The following AFF4 variants were observed in gnomAD, a reference collection of about 807,000 sequenced individuals.
AFF4 encodes the protein AF4/FMR2 family member 4.
In AFF4, 13 loss-of-function variants were observed where a neutral mutation model predicts 124.8. That is an observed-to-expected ratio of 0.10 (90% CI 0.07 to 0.17). The LOEUF (loss-of-function observed/expected upper bound fraction) is 0.17. Ranked by LOEUF, AFF4 falls within the 10% of genes least tolerant of loss-of-function variation. The probability of loss-of-function intolerance (pLI) is 1.00; values close to 1 mark genes in which losing one functional copy is unlikely to be tolerated. For synonymous variants in AFF4, 477 were observed against 496.1 expected, an observed-to-expected ratio of 0.96 and a Z score of 0.51; for missense variants, 1,092 against 1,403.8, an observed-to-expected ratio of 0.78 and a Z score of 3.55.
chr5:132,924,640 G>A (rs1761127179), intron 5 of AFF4, among the ~76,000 whole-genome samples: 1 of 152,058 alleles, frequency 6.6e-6, no homozygotes, highest in South Asian at 2.1e-4. Context: ...GATAACCTGA[G>A]GTCAGGAGTT....
chr5:132,904,056 G>C (rs1305919267), intron 6 of AFF4: 1 of 216,480 alleles, frequency 4.6e-6, no homozygotes, highest in Non-Finnish European at 9.5e-6. Context: ...AGGAGTTCGA[G>C]ACCAGCCTGT....
chr5:132,915,045 A>T (rs1760876680), intron 5 of AFF4, among the ~76,000 whole-genome samples: 1 of 152,144 alleles, frequency 6.6e-6, no homozygotes, highest in Non-Finnish European at 1.5e-5. Context: ...CTTAAAAAAA[A>T]ATACCATTTC....
chr5:132,958,872 C>T lies in AFF4; in HGVS notation c.-5+4387G>A, dbSNP rs147539652. Among the ~76,000 whole-genome samples, 531 of 152,312 alleles carry T rather than the reference C, an allele frequency of 3.5e-3. 2 individuals carry two copies. The highest frequency in any genetic ancestry group is 0.012 in the African/African-American group (516 of 41,566). Reference sequence around the variant, plus strand: ...GTCCCCGAACAGATCTCTGGGTAATCAAACCATACTGGCTTTCCAGTGCAG... The same window carrying T: ...GTCCCCGAACAGATCTCTGGGTAATTAAACCATACTGGCTTTCCAGTGCAG... On this transcript the variant is annotated intron_variant, in intron 1 of 20. Transcript: ENST00000265343.
chr5:132,888,277 C>G (rs1439180102), intron 14 of AFF4, 117 bp from the exon 15 acceptor site: 2 of 735,454 alleles, frequency 2.7e-6, no homozygotes, highest in East Asian at 5.5e-5. Flanking sequence ...TGAGCTGTTA[C>G]TAAGAATTTG....
At chr5:132,953,918 G>C (rs752474694) in intron 1 of AFF4, among the ~76,000 whole-genome samples, 4 of 152,174 alleles carry the variant, frequency 2.6e-5, no homozygotes, top group Non-Finnish European at 4.4e-5. Flanking sequence ...AGTCAGGTCA[G>C]ATTGCCTAAC....
rs1371740456 is a variant in AFF4 at position 132,891,002 on chromosome 5, A to T, written c.2637+1162T>A. 6.7e-4 allele frequency among the ~76,000 whole-genome samples: 101 copies of T among 151,876 alleles called. 1 individual carries two copies. The highest frequency in any genetic ancestry group is 3.9e-3 in the South Asian group (19 of 4,816). On this transcript the variant is annotated intron_variant, in intron 13 of 20. Transcript: ENST00000265343. ...CTCACTTATTTAAAAGCAAATAAAT[A>T]AATTAATTAATAAATTAATTAATTA...
chr5:132,899,300 T>C (rs543863876), intron 8 of AFF4, among the ~76,000 whole-genome samples, 159 bp from the exon 9 acceptor site: 1 of 152,340 alleles, frequency 6.6e-6, no homozygotes, highest in African/African-American at 2.4e-5. Context: ...AGTAACTGAA[T>C]TGCCAGAATA....
At chr5:132,944,388 T>C (rs934193949) in intron 1 of AFF4, among the ~76,000 whole-genome samples, 10 of 151,748 alleles carry the variant, frequency 6.6e-5, no homozygotes, top group African/African-American at 2.2e-4. Flanking sequence ...GGTTCACACC[T>C]GTAATCCCAG....
chr5:132,886,838 C>T (rs747837777), intron 17 of AFF4, among the ~76,000 whole-genome samples: 1 of 152,240 alleles, frequency 6.6e-6, no homozygotes, highest in Non-Finnish European at 1.5e-5. Context: ...ACACCCACTT[C>T]TCGCTGGTCT....
chr5:132,932,142 T>TA (rs1166036794), intron 4 of AFF4, 36 bp downstream of exon 4: 4 of 1,525,958 alleles, frequency 2.6e-6, no homozygotes, highest in Non-Finnish European at 3.6e-6. Flanking sequence ...CATAAAAAAT[T>TA]AAAGAAATTG....
intron 13 of AFF4, 143 bp downstream of exon 13, chr5:132,892,021 G>C (rs1211621610): frequency 1.6e-6 from 2 of 1,233,318 alleles, no homozygotes; most frequent in East Asian, 4.8e-5. Flanking sequence ...TCATTTATCA[G>C]GATTATTACA....
chr5:132,875,656 G>T lies in AFF4; in HGVS notation c.*5403C>A. 1 of 198,882 alleles carries T rather than the reference G, an allele frequency of 5.0e-6. No homozygotes were observed. Among genetic ancestry groups the T allele is most frequent in the Non-Finnish European group, 1.0e-5 (1 of 96,004 alleles). 12.3% of individuals were successfully genotyped at this position (198,882 alleles called of 1,614,324 possible). ...TACTATACAGATGTGGAAAAATCTA[G>T]TTAGTATATAATACTTTGCTCACCA... On this transcript the variant is annotated 3_prime_UTR_variant, in exon 21 of 21. Coordinates refer to ENST00000265343, the MANE Select transcript of AFF4 (RefSeq NM_014423.4).
intron 1 of AFF4, 23 bp downstream of exon 1, chr5:132,963,236 G>A (rs1358423061): frequency 2.6e-6 from 1 of 391,420 alleles, no homozygotes; most frequent in Non-Finnish European, 4.5e-6. Context: ...CCGGCCCTGG[G>A]TCAGTCTGTC....
At chr5:132,916,075 T>C (rs1278597566) in intron 5 of AFF4, among the ~76,000 whole-genome samples, 1 of 151,440 alleles carries the variant, frequency 6.6e-6, no homozygotes, top group East Asian at 1.9e-4. Flanking sequence ...GGAAACCCTG[T>C]CTCTACTAAA....
At chr5:132,904,530 T>C (rs1760626440) in intron 5 of AFF4, 126 bp from the exon 6 acceptor site, 1 of 826,740 alleles carries the variant, frequency 1.2e-6, no homozygotes, top group African/African-American at 1.7e-5. Flanking sequence ...AATGATCCTG[T>C]CTGATCAGCC....
chr5:132,944,990 G>C (rs1353907768), intron 1 of AFF4: 1 of 156,590 alleles, frequency 6.4e-6, no homozygotes, highest in Admixed American at 6.3e-5. Context: ...CAGTGGACAA[G>C]AAGGCTCCTG....
At chr5:132,961,572 G>C (rs966925484) in intron 1 of AFF4, among the ~76,000 whole-genome samples, 1 of 152,146 alleles carries the variant, frequency 6.6e-6, no homozygotes, top group South Asian at 2.1e-4. Flanking sequence ...AGAGTACACA[G>C]AAGAGAATGT....
chr5:132,932,413 T>C (rs1251893618), intron 3 of AFF4, among the ~76,000 whole-genome samples, 191 bp from the exon 4 acceptor site: 1 of 152,236 alleles, frequency 6.6e-6, no homozygotes, highest in Admixed American at 6.5e-5. Context: ...CACCAAACTA[T>C]ACAAAGCTGG....
chr5:132,924,148 G>A (rs755508044), intron 5 of AFF4, among the ~76,000 whole-genome samples: 1 of 152,134 alleles, frequency 6.6e-6, no homozygotes, highest in Non-Finnish European at 1.5e-5. Context: ...CAGCTACTTA[G>A]GAGGCTGAGG....
Sources: gnomAD v4.1 joint callset for allele counts (sites outside exome capture counted in the v4.1 genomes callset) on GRCh38, gnomAD v4.1.1 for gene constraint, MANE v1.5 for transcripts, NCBI Gene and HGNC (gene_info 2026-07-23, HGNC 2026-07-21) for gene names.